The following OCA2 variants were observed in gnomAD, a reference collection of about 807,000 sequenced individuals.
OCA2 encodes OCA2 melanosomal transmembrane protein.
Under a neutral mutation model 100.2 loss-of-function variants are expected in OCA2, and 77 were observed. The observed-to-expected ratio is 0.77, with a 90% CI of 0.64 to 0.93. The LOEUF is 0.93. Ranked by LOEUF, OCA2 falls within the 40% of genes least tolerant of loss-of-function variation. The probability of loss-of-function intolerance (pLI) is 0.00; values close to 1 mark genes in which losing one functional copy is unlikely to be tolerated. For synonymous variants in OCA2, 432 were observed against 439.2 expected, an observed-to-expected ratio of 0.98 and a Z score of 0.21; for missense variants, 1,062 against 1,089.1, an observed-to-expected ratio of 0.98 and a Z score of 0.35.
chr15:28,049,241 G>A (rs952863801), intron 2 of OCA2, among the ~76,000 whole-genome samples: 1 of 152,130 alleles, frequency 6.6e-6, no homozygotes, highest in Non-Finnish European at 1.5e-5. Flanking sequence ...AACATCATTA[G>A]TCATTAGAGA....
intron 8 of OCA2, among the ~76,000 whole-genome samples, chr15:28,015,476 G>A (rs1204511399): frequency 6.6e-6 from 1 of 152,170 alleles, no homozygotes; most frequent in East Asian, 1.9e-4. Flanking sequence ...GTGACTGTAG[G>A]TAGAGGGAGG....
At chr15:27,777,246 A>G (rs2032289421) in intron 23 of OCA2, among the ~76,000 whole-genome samples, 1 of 152,106 alleles carries the variant, frequency 6.6e-6, no homozygotes, top group Non-Finnish European at 1.5e-5. Flanking sequence ...AAGGGAGAGC[A>G]GGAAGGGTCC....
chr15:28,071,146 C>A (rs2044246312), intron 2 of OCA2, among the ~76,000 whole-genome samples: 1 of 122,748 alleles, frequency 8.1e-6, no homozygotes, highest in African/African-American at 4.1e-5. Context: ...GAGAAACACC[C>A]AAGAATTATC....
rs573086868 is a variant in OCA2, at chr15:27,957,177, C to T, written c.1784+411G>A. On this transcript the variant is annotated intron_variant, in intron 16 of 23. Coordinates refer to ENST00000354638, the MANE Select transcript of OCA2 (RefSeq NM_000275.3). This position sits in a 1 kb window ranked among gnomAD's most constrained non-coding sequence, Gnocchi z 4.3. ...ATTGAGTGGGGCTTTCATATTCTTGCAGGTGCCTGAAAATCAACTGCTGGC... is the reference window on the plus strand; with the variant it reads ...ATTGAGTGGGGCTTTCATATTCTTGTAGGTGCCTGAAAATCAACTGCTGGC... Among the ~76,000 whole-genome samples, 8 of 152,332 alleles carry T rather than the reference C, an allele frequency of 5.3e-5. No individual in the cohort carries two copies. In the South Asian group the frequency reaches 1.7e-3, roughly 32 times the overall value.
At chr15:28,034,639 G>T (rs934427478) in intron 2 of OCA2, among the ~76,000 whole-genome samples, 3 of 152,066 alleles carry the variant, frequency 2.0e-5, no homozygotes, top group African/African-American at 7.2e-5. Flanking sequence ...GCCGGGTGTG[G>T]TGGTGTACTC....
At chr15:27,719,644 T>C in the OCA2 span, among the ~76,000 whole-genome samples, 1 of 152,202 alleles carries the variant, frequency 6.6e-6, no homozygotes, top group Admixed American at 6.5e-5. Flanking sequence ...GATCATTCTA[T>C]TGCTTGGTAT....
At chr15:28,014,245 A>G (rs115896533) in intron 9 of OCA2, among the ~76,000 whole-genome samples, 2,047 of 152,358 alleles carry the variant, frequency 0.013, 43 homozygotes, top group African/African-American at 0.047. Flanking sequence ...CCACACTTAG[A>G]ACTTCCCAGA....
chr15:27,888,756 G>A (rs909434584), intron 19 of OCA2, among the ~76,000 whole-genome samples: 30 of 152,202 alleles, frequency 2.0e-4, no homozygotes, highest in African/African-American at 7.2e-4. Context: ...GTGTGTGTGT[G>A]TATACATATA....
chr15:27,765,885 G>A (rs546508692), intron 23 of OCA2, among the ~76,000 whole-genome samples: 6 of 152,270 alleles, frequency 3.9e-5, no homozygotes, highest in South Asian at 4.1e-4. Flanking sequence ...TTTCTTTATT[G>A]CAACCTGTTT....
intron 18 of OCA2, among the ~76,000 whole-genome samples, chr15:27,941,647 T>C (rs2039651807): frequency 6.6e-6 from 1 of 152,186 alleles, no homozygotes; most frequent in Non-Finnish European, 1.5e-5. Context: ...AATGCTTCAC[T>C]AGGCTCCTGG....
At chr15:28,083,651 GT>G (rs2044719950) in intron 1 of OCA2, among the ~76,000 whole-genome samples, 1 of 152,156 alleles carries the variant, frequency 6.6e-6, no homozygotes, top group South Asian at 2.1e-4. Context: ...AAGATGACTA[GT>G]AAAAGTAATG....
chr15:27,924,211 G>T (rs994383675), intron 19 of OCA2, among the ~76,000 whole-genome samples: 3 of 152,006 alleles, frequency 2.0e-5, no homozygotes, highest in African/African-American at 7.2e-5. Context: ...TGTTCCATTG[G>T]TCTATGTGAC....
chr15:27,814,955 T>G (rs1284204844), intron 23 of OCA2, among the ~76,000 whole-genome samples: 2 of 146,698 alleles, frequency 1.4e-5, no homozygotes, highest in East Asian at 4.0e-4. Context: ...TACAGAGATA[T>G]ATATATATAT....
At chr15:27,782,697 A>G (rs1309633917) in intron 23 of OCA2, among the ~76,000 whole-genome samples, 1 of 152,218 alleles carries the variant, frequency 6.6e-6, no homozygotes, top group Non-Finnish European at 1.5e-5. Context: ...CTAATGCGAC[A>G]TCTTTCTCTC....
intron 1 of OCA2, among the ~76,000 whole-genome samples, chr15:28,089,339 G>A (rs570230921): frequency 1.3e-5 from 2 of 152,306 alleles, no homozygotes; most frequent in East Asian, 3.9e-4. Context: ...TTAAAGACAG[G>A]CATAGGAAAT....
rs375582937 is a variant in OCA2 at position 28,077,110 on chromosome 15, G to A, written c.227+4538C>T. Among the ~76,000 whole-genome samples the A allele has an allele frequency of 1.5e-4, 23 of 150,364 alleles. No individual in the cohort carries two copies. In the South Asian group the frequency reaches 2.5e-3, roughly 17 times the overall value. ...GTTTCACACTTGTTGCCCAGGCTGC[G>A]GTGCAATGGTGAGATCTCAGCTTAC... On this transcript the variant is annotated intron_variant, in intron 2 of 23. Coordinates refer to ENST00000354638, the MANE Select transcript of OCA2 (RefSeq NM_000275.3).
At chr15:27,808,932 T>G (rs1412241375) in intron 23 of OCA2, among the ~76,000 whole-genome samples, 1 of 152,186 alleles carries the variant, frequency 6.6e-6, no homozygotes, top group African/African-American at 2.4e-5. Context: ...TCGTGGGGTA[T>G]GCCATCATTC....
chr15:28,012,361 AT>A (rs1371656436), intron 9 of OCA2, among the ~76,000 whole-genome samples: 1 of 151,964 alleles, frequency 6.6e-6, no homozygotes, highest in Non-Finnish European at 1.5e-5. Context: ...CTACTGAAAG[AT>A]TGCCAGGGAA....
intron 14 of OCA2, among the ~76,000 whole-genome samples, chr15:27,970,107 G>A (rs1414343540): frequency 2.0e-5 from 3 of 152,006 alleles, no homozygotes; most frequent in African/African-American, 4.8e-5. Context: ...AGGTGCAGGG[G>A]TCCTGGCACA....
Sources: allele counts gnomAD v4.1 joint callset (sites outside exome capture counted in the v4.1 genomes callset), GRCh38; gene constraint gnomAD v4.1.1; non-coding constraint Gnocchi (gnomAD v3.1); transcripts MANE v1.5; gene names NCBI Gene and HGNC (gene_info 2026-07-23, HGNC 2026-07-21).